Variants in PDE3B observed in about 807,000 individuals in gnomAD.
PDE3B encodes cGMP-inhibited 3',5'-cyclic phosphodiesterase 3B.
In PDE3B, 66 loss-of-function variants were observed where a neutral mutation model predicts 116.8. That is an observed-to-expected ratio of 0.56 (90% confidence interval 0.46 to 0.69). The LOEUF is 0.69. PDE3B is among the 30% of genes least tolerant of loss of function. The probability of loss-of-function intolerance (pLI) is 0.00; values close to 1 mark genes in which losing one functional copy is unlikely to be tolerated. For missense variants in PDE3B, 1,384 were observed against 1,368.1 expected, an observed-to-expected ratio of 1.01 and a Z score of -0.18; for synonymous variants, 595 against 533.6, an observed-to-expected ratio of 1.12 and a Z score of -1.59.
intron 1 of PDE3B, among the ~76,000 whole-genome samples, chr11:14,725,714 A>C (rs904728955): frequency 1.3e-5 from 2 of 149,348 alleles, no homozygotes; most frequent in Non-Finnish European, 3.0e-5. Flanking sequence ...ATTTGTGCTC[A>C]ATATGATTAC....
intron 1 of PDE3B, among the ~76,000 whole-genome samples, chr11:14,679,517 A>G (rs1854633283): frequency 6.6e-6 from 1 of 152,022 alleles, no homozygotes; most frequent in Non-Finnish European, 1.5e-5. Context: ...GATGTAAAAT[A>G]AGTTTGGGAT....
chr11:14,673,746 A>G (rs770170329), intron 1 of PDE3B: 3 of 771,276 alleles, frequency 3.9e-6, no homozygotes, highest in South Asian at 2.7e-5. Flanking sequence ...CATTGCTCCA[A>G]TTCGTACAAG....
intron 2 of PDE3B, among the ~76,000 whole-genome samples, chr11:14,782,164 C>G (rs182944048): frequency 1.3e-5 from 2 of 151,896 alleles, no homozygotes; most frequent in Non-Finnish European, 2.9e-5. Flanking sequence ...AAAGAGGACA[C>G]AAACAAGTGA....
chr11:14,740,913 G>C (rs1295571702), intron 1 of PDE3B, among the ~76,000 whole-genome samples: 1 of 152,300 alleles, frequency 6.6e-6, no homozygotes, highest in East Asian at 1.9e-4. Flanking sequence ...GTGCGGTTTT[G>C]AGTGAGTTTC....
At chr11:14,798,587 T>C (rs1858634267) in intron 4 of PDE3B, among the ~76,000 whole-genome samples, 1 of 152,266 alleles carries the variant, frequency 6.6e-6, no homozygotes. Context: ...TGGTAGGCTA[T>C]TAATTACTGC....
At chr11:14,849,697 C>G (rs988724279) in intron 12 of PDE3B, among the ~76,000 whole-genome samples, 4 of 152,152 alleles carry the variant, frequency 2.6e-5, no homozygotes, top group Non-Finnish European at 4.4e-5. Flanking sequence ...AGACACTTCT[C>G]AAAAGAAGAC....
the PDE3B span, chr11:14,887,634 T>C: frequency 1.0e-6 from 1 of 985,362 alleles, no homozygotes; most frequent in South Asian, 4.7e-5. Flanking sequence ...CCTTGCCTTC[T>C]AGATCACTCC....
rs1332310110 is a variant in PDE3B, at chr11:14,870,763, C to G, written c.*1103C>G. 2 of 152,050 alleles carry G rather than the reference C, an allele frequency of 1.3e-5. No individual in the cohort carries two copies. The highest frequency in any genetic ancestry group is 2.9e-5 in the Non-Finnish European group (2 of 67,980). 9.4% of individuals were successfully genotyped at this position (152,050 alleles called of 1,614,324 possible). On this transcript the variant is annotated 3_prime_UTR_variant, in exon 16 of 16. Coordinates refer to ENST00000282096, the MANE Select transcript of PDE3B (RefSeq NM_000922.4). This position sits in a 1 kb window ranked among gnomAD's most constrained non-coding sequence, Gnocchi z 4.1. Reference sequence around the variant, plus strand: ...CTATCACTACTTATTATTTCTGAAGCCTAACTGCAAGACTGATTTCTGAGA... The same window carrying G: ...CTATCACTACTTATTATTTCTGAAGGCTAACTGCAAGACTGATTTCTGAGA...
intron 2 of PDE3B, among the ~76,000 whole-genome samples, chr11:14,778,113 G>T (rs980894348): frequency 2.6e-5 from 4 of 152,184 alleles, no homozygotes; most frequent in African/African-American, 4.8e-5. Flanking sequence ...CAGCGAGGCT[G>T]GGGGAGGGGT....
At chr11:14,703,419 T>C (rs1191893111) in intron 1 of PDE3B, among the ~76,000 whole-genome samples, 1 of 147,814 alleles carries the variant, frequency 6.8e-6, no homozygotes, top group African/African-American at 2.5e-5. Context: ...AGGGTTGTCT[T>C]TTTTTTTTTA....
the PDE3B span, among the ~76,000 whole-genome samples, chr11:14,883,479 A>G: frequency 6.6e-6 from 1 of 152,080 alleles, no homozygotes; most frequent in Non-Finnish European, 1.5e-5. Context: ...CTGGCTAGCC[A>G]TATGTAGAAA....
At position 14,643,969 on chromosome 11, in the gene PDE3B, C is replaced by A; in HGVS notation, c.-107C>A. ...CGGCCGGCGCAGCCCTGACGGGTTG[C>A]GAACCAGGGGGCGCCCCGAACGCGG... On this transcript the variant is annotated 5_prime_UTR_variant, in exon 1 of 16. Coordinates refer to ENST00000282096, the MANE Select transcript of PDE3B (RefSeq NM_000922.4). 7.3e-7 allele frequency: 1 copy of A among 1,369,818 alleles called. No homozygotes were observed. Among genetic ancestry groups the A allele is most frequent in the Non-Finnish European group, 9.4e-7 (1 of 1,068,310 alleles). The allele number at this position is 1,369,818 out of a possible 1,614,324, so 84.9% of individuals were successfully genotyped here. A position where few individuals can be genotyped will look rare whatever the true frequency, so the allele number is the denominator to read the frequency against.
intron 1 of PDE3B, among the ~76,000 whole-genome samples, chr11:14,650,392 A>G (rs764816361): frequency 6.6e-6 from 1 of 151,842 alleles, no homozygotes; most frequent in African/African-American, 2.4e-5. Flanking sequence ...TTTTTTGTAG[A>G]GAAGGGGTTT....
intron 1 of PDE3B, among the ~76,000 whole-genome samples, chr11:14,771,188 T>C (rs1254373229): frequency 6.6e-6 from 1 of 151,766 alleles, no homozygotes; most frequent in East Asian, 1.9e-4. Flanking sequence ...ATGAATTATT[T>C]AAGCAAAAGA....
At chr11:14,756,988 T>A (rs1187548204) in intron 1 of PDE3B, among the ~76,000 whole-genome samples, 1 of 130,058 alleles carries the variant, frequency 7.7e-6, no homozygotes, top group African/African-American at 2.9e-5. Flanking sequence ...GAGTGTGATA[T>A]TCCCCTTCCT....
intron 2 of PDE3B, among the ~76,000 whole-genome samples, chr11:14,783,691 G>A (rs143456445): frequency 6.6e-6 from 1 of 151,812 alleles, no homozygotes; most frequent in Non-Finnish European, 1.5e-5. Context: ...CAGCACACCA[G>A]CATGGCACAT....
intron 1 of PDE3B, among the ~76,000 whole-genome samples, chr11:14,723,522 G>A (rs993028927): frequency 3.3e-5 from 5 of 152,106 alleles, no homozygotes; most frequent in African/African-American, 1.2e-4. Flanking sequence ...TGGAGGCTAA[G>A]GTGGGAGGAT....
chr11:14,815,733 GC>G (rs2133947139), intron 5 of PDE3B, among the ~76,000 whole-genome samples: 1 of 152,164 alleles, frequency 6.6e-6, no homozygotes, highest in South Asian at 2.1e-4. Flanking sequence ...AAGGGTTAAT[GC>G]TACCTTAGAG....
intron 1 of PDE3B, among the ~76,000 whole-genome samples, chr11:14,692,118 T>A (rs1376949441): frequency 6.6e-6 from 1 of 151,826 alleles, no homozygotes; most frequent in African/African-American, 2.4e-5. Context: ...AAATAAATAA[T>A]TAAAAATCAG....
Sources: allele counts gnomAD v4.1 joint callset (sites outside exome capture counted in the v4.1 genomes callset), GRCh38; gene constraint gnomAD v4.1.1; non-coding constraint Gnocchi (gnomAD v3.1); transcripts MANE v1.5; gene names NCBI Gene and HGNC (gene_info 2026-07-23, HGNC 2026-07-21).